MAP4: variants seen among roughly 807,000 people sequenced by gnomAD.
The protein encoded by MAP4 is microtubule-associated protein 4.
A neutral mutation model predicts 170.2 loss-of-function variants in MAP4; 76 were observed. The observed-to-expected ratio is 0.45, with a 90% CI of 0.37 to 0.54. The LOEUF (loss-of-function observed/expected upper bound fraction) is 0.54, where lower values mean the gene tolerates loss of function less well. Among genes scored for constraint, MAP4 ranks in the 20% least tolerant of loss-of-function variants. The pLI is 0.00. For synonymous variants in MAP4, 909 were observed against 994.5 expected (o/e 0.91, Z 1.62); for missense variants, 2,506 against 2,748.0 (o/e 0.91, Z 1.97).
rs532073637 is a variant in MAP4, at chr3:48,070,479, G to GT, written c.-20+18293dup. ...ATTTCATCTTCTTTATCTGTTCTGA[G>GT]TTTTTTTTAATTTTTTACTTTTTGT... is the stretch of plus-strand genomic sequence containing the variant. On this transcript the variant is annotated intron_variant, in intron 1 of 18. Coordinates refer to the MAP4 transcript ENST00000360240. 4.7e-5 allele frequency among the ~76,000 whole-genome samples: 7 copies of GT among 149,258 alleles called. No individual in the cohort carries two copies. In the East Asian group the frequency reaches 6.0e-4, roughly 13 times the overall value.
chr3:47,985,802 A>T (rs902923647), intron 2 of MAP4, among the ~76,000 whole-genome samples: 10 of 152,236 alleles, frequency 6.6e-5, no homozygotes, highest in Admixed American at 3.3e-4. Context: ...ATTGCAGACA[A>T]GAAGAAAAAA....
chr3:47,979,554 C>T (rs947228098), intron 2 of MAP4, among the ~76,000 whole-genome samples: 1 of 152,110 alleles, frequency 6.6e-6, no homozygotes, highest in East Asian at 1.9e-4. Flanking sequence ...CTCCTGGGTT[C>T]AAGAGATTCT....
At chr3:47,952,645 T>C (rs57039104) in intron 3 of MAP4, among the ~76,000 whole-genome samples, 3 of 147,752 alleles carry the variant, frequency 2.0e-5, no homozygotes, top group Non-Finnish European at 4.5e-5. Flanking sequence ...ATGGAAAAAA[T>C]AAATAAATAA....
intron 6 of MAP4, among the ~76,000 whole-genome samples, chr3:47,918,187 T>C (rs2153646969): frequency 6.6e-6 from 1 of 152,336 alleles, no homozygotes; most frequent in East Asian, 1.9e-4. Context: ...TTTCACCATG[T>C]TGGCCAGGCT....
Position 47,872,006 on chromosome 3 carries a change from G to A in MAP4, c.5852C>T (p.Thr1951Ile). The part of the protein sequence containing the change: ...ASRSGSKSTQ[T>I]VAKTTTAAAV... Reference sequence around the variant, plus strand: ...AGCAGCTGTTGTGGTTTTTGCAACAGTCTGAGTGCTCTTGGACCCAGATCT... The same window carrying A: ...AGCAGCTGTTGTGGTTTTTGCAACAATCTGAGTGCTCTTGGACCCAGATCT... The change falls in exon 13 of 21, where the codon ACT becomes ATT. Residue 1951 changes from threonine (T) to isoleucine (I), a missense_variant. Thr to Ile is a moderately conservative substitution (Grantham distance 89). Transcript: ENST00000683076. 1 of 1,614,156 alleles carries A rather than the reference G, an allele frequency of 6.2e-7. No homozygotes were observed. The highest frequency in any genetic ancestry group is 8.5e-7 in the Non-Finnish European group (1 of 1,180,016).
At chr3:48,023,576 T>C (rs1213843552) in intron 1 of MAP4, among the ~76,000 whole-genome samples, 1 of 152,230 alleles carries the variant, frequency 6.6e-6, no homozygotes, top group African/African-American at 2.4e-5. Context: ...TATTGGTCTC[T>C]AAGTCTGCAT....
chr3:47,927,074 G>C (rs947468489), intron 4 of MAP4, among the ~76,000 whole-genome samples: 1 of 150,418 alleles, frequency 6.6e-6, no homozygotes, highest in East Asian at 2.0e-4. Context: ...CAGGAGAATC[G>C]CTTGAACTCA....
intron 1 of MAP4, among the ~76,000 whole-genome samples, chr3:48,049,701 G>A (rs1047798416): frequency 6.6e-6 from 1 of 152,176 alleles, no homozygotes; most frequent in Non-Finnish European, 1.5e-5. Flanking sequence ...GGGAGGCCAA[G>A]GCAGGCGGAT....
At chr3:47,919,776 A>C (rs1253831868) in intron 5 of MAP4, among the ~76,000 whole-genome samples, 2 of 152,136 alleles carry the variant, frequency 1.3e-5, no homozygotes, top group East Asian at 3.8e-4. Flanking sequence ...TTAATGATTG[A>C]ACTCTAGTTC....
intron 1 of MAP4, among the ~76,000 whole-genome samples, chr3:48,047,439 A>G (rs988612311): frequency 5.9e-5 from 9 of 152,100 alleles, no homozygotes; most frequent in African/African-American, 1.2e-4. Flanking sequence ...CAAGCAGAGC[A>G]AAATCAGAGT....
intron 3 of MAP4, chr3:47,974,565 G>C: frequency 1.0e-6 from 1 of 971,158 alleles, no homozygotes; most frequent in Non-Finnish European, 1.2e-6. Context: ...AAGTATTTCA[G>C]ATTTTAAACC....
chr3:47,969,837 G>C (rs1280406675), intron 3 of MAP4, among the ~76,000 whole-genome samples: 1 of 151,682 alleles, frequency 6.6e-6, no homozygotes, highest in Non-Finnish European at 1.5e-5. Context: ...TCCAGCCTGG[G>C]CGACAGAGCA....
chr3:47,964,455 C>T (rs988539687), intron 3 of MAP4, among the ~76,000 whole-genome samples: 1 of 152,128 alleles, frequency 6.6e-6, no homozygotes, highest in Non-Finnish European at 1.5e-5. Flanking sequence ...ACAGAATTTC[C>T]ATTTAAGGAG....
intron 1 of MAP4, among the ~76,000 whole-genome samples, chr3:48,082,797 C>CAAAAAAAAAAAAAA: frequency 2.0e-5 from 1 of 49,012 alleles, no homozygotes; most frequent in Non-Finnish European, 4.3e-5. Flanking sequence ...GACTTTGTCT[C>CAAAAAAAAAAAAAA]AAAAAAAAAA....
chr3:47,911,089 G>A lies in MAP4; in HGVS notation c.3332C>T (p.Thr1111Ile). The change falls in exon 9 of 21, where the codon ACT (threonine) becomes ATT (isoleucine). Residue 1111 changes from threonine to isoleucine, a missense_variant. By Grantham distance (89) the Thr-to-Ile change is moderately conservative. This residue lies in a region of MAP4 where 2,008 missense variants were observed against 2,206.0 expected (regional missense o/e 0.91). Coordinates refer to ENST00000683076, the MANE Select transcript of MAP4 (RefSeq NM_001385682.1). This position sits in a 1 kb window ranked among gnomAD's most constrained non-coding sequence, Gnocchi z 4.0. ...SEPVSKTEGM[T>I]TQDKSEELGL... ...CAGCTCCTCACTCTTATCCTGAGTA[G>A]TCATTCCTTCAGTTTTAGAGACTGG... 6.5e-7 allele frequency: 1 copy of A among 1,536,162 alleles called. No individual in the cohort carries two copies. Among genetic ancestry groups the A allele is most frequent in the Non-Finnish European group, 8.7e-7 (1 of 1,146,920 alleles).
intron 1 of MAP4, among the ~76,000 whole-genome samples, chr3:48,079,216 T>C (rs570431334): frequency 6.6e-6 from 1 of 152,232 alleles, no homozygotes; most frequent in African/African-American, 2.4e-5. Flanking sequence ...CTAATACTTT[T>C]TGATGTCAAA....
intron 10 of MAP4, among the ~76,000 whole-genome samples, chr3:47,878,393 A>C (rs2095950889): frequency 6.6e-6 from 1 of 152,222 alleles, no homozygotes; most frequent in Non-Finnish European, 1.5e-5. Flanking sequence ...TACTCCCACA[A>C]ATCAGTAACT....
chr3:48,026,340 C>T (rs1372243546), intron 1 of MAP4, among the ~76,000 whole-genome samples: 1 of 152,162 alleles, frequency 6.6e-6, no homozygotes, highest in African/African-American at 2.4e-5. Context: ...TTATTACATC[C>T]CACTCAAATA....
At chr3:48,067,632 CTTTTTT>C (rs71070248) in intron 1 of MAP4, among the ~76,000 whole-genome samples, 2 of 139,784 alleles carry the variant, frequency 1.4e-5, no homozygotes, top group Non-Finnish European at 1.5e-5. Context: ...CAAGAGAAAC[CTTTTTT>C]TTTTTTTTTT....
Sources: allele counts gnomAD v4.1 joint callset (sites outside exome capture counted in the v4.1 genomes callset), GRCh38; gene constraint gnomAD v4.1.1; regional missense constraint gnomAD v4.1.1; non-coding constraint Gnocchi (gnomAD v3.1); transcripts MANE v1.5; gene names NCBI Gene and HGNC (gene_info 2026-07-23, HGNC 2026-07-21).